VASH1: variants seen among roughly 807,000 people sequenced by gnomAD.
VASH1 encodes the protein tubulinyl-Tyr carboxypeptidase 1.
In VASH1, 16 loss-of-function variants were observed where a neutral mutation model predicts 35.0. That is an observed-to-expected ratio of 0.46 (90% CI 0.31 to 0.70). VASH1 has a LOEUF of 0.70. Among genes scored for constraint, VASH1 ranks in the 30% least tolerant of loss-of-function variants. VASH1 has a pLI of 0.05. For missense variants in VASH1, 505 were observed against 510.7 expected (o/e 0.99, Z 0.11); for synonymous variants, 214 against 200.9 (o/e 1.07, Z -0.55).
chr14:76,779,750 C>T lies in VASH1; in HGVS notation c.*732C>T, dbSNP rs111968893. The T allele has an allele frequency of 1.9e-3, 1,086 of 575,450 alleles. 9 individuals carry two copies. Among genetic ancestry groups the T allele is most frequent in the African/African-American group, 0.019 (1,001 of 53,434 alleles). The allele number at this position is 575,450 out of a possible 1,614,324, so 35.6% of individuals were successfully genotyped here. On this transcript the variant is annotated 3_prime_UTR_variant, in exon 7 of 7. Coordinates refer to ENST00000167106, the MANE Select transcript of VASH1 (RefSeq NM_014909.5). ...CCCAGGCCCTAACTGCGTCTACTTG[C>T]TCAGTCCCAGCTCTGCCTGTTGCTC...
At position 76,782,930 on chromosome 14, in the gene VASH1, C is replaced by T. The variant is rs1421477311; in HGVS notation, c.*3912C>T. 6.5e-6 allele frequency: 1 copy of T among 152,842 alleles called. No homozygotes were observed. The highest frequency in any genetic ancestry group is 1.5e-5 in the Non-Finnish European group (1 of 68,144). 9.5% of individuals were successfully genotyped at this position (152,842 alleles called of 1,614,324 possible). On this transcript the variant is annotated 3_prime_UTR_variant, in exon 7 of 7. Coordinates refer to ENST00000167106, the MANE Select transcript of VASH1 (RefSeq NM_014909.5). ...GTATTGCCCCTTCCTTTCACTTTCA[C>T]ACTTCATCTCATTCCTGTTGTCACT...
At chr14:76,778,163 C>T (rs961411034) in intron 6 of VASH1, 92 bp downstream of exon 6, 2 of 962,752 alleles carry the variant, frequency 2.1e-6, no homozygotes, top group South Asian at 2.4e-5. Flanking sequence ...ATCTCTCTCC[C>T]ACCCTTCTCT....
intron 6 of VASH1, 113 bp downstream of exon 6, chr14:76,778,184 C>T: frequency 3.8e-6 from 3 of 787,928 alleles, no homozygotes; most frequent in South Asian, 2.7e-5. Context: ...CTTTTTCGCT[C>T]CCACCCAAGG....
rs1893787985 is a variant in VASH1, at chr14:76,771,253, A to T, written c.455+7A>T. 6.3e-7 allele frequency: 1 copy of T among 1,598,820 alleles called. No homozygotes were observed. The highest frequency in any genetic ancestry group is 8.5e-7 in the Non-Finnish European group (1 of 1,172,568). ...AGAGCAGACCTCTGACAGGGTAAGT[A>T]TGGGGAGGCCAGTCCTCTGCCCCAG... is the stretch of plus-strand genomic sequence containing the variant. On this transcript the variant is annotated splice_region_variant and intron_variant, in intron 3 of 6. Transcript: ENST00000167106.
At chr14:76,773,329 CTGCT>C (rs749221765) in intron 4 of VASH1, 118 bp downstream of exon 4, 2 of 1,022,332 alleles carry the variant, frequency 2.0e-6, no homozygotes, top group Admixed American at 4.5e-5. Flanking sequence ...ATGCAGTCAT[CTGCT>C]TGGCCCCAAG....
chr14:76,769,385 T>C (rs1893728982), intron 1 of VASH1: 3 of 1,289,158 alleles, frequency 2.3e-6, no homozygotes, highest in South Asian at 1.2e-5. Context: ...TTCCAAAATA[T>C]GTCCTTCTGG....
At chr14:76,771,511 T>C (rs907918528) in intron 3 of VASH1, among the ~76,000 whole-genome samples, 12 of 152,206 alleles carry the variant, frequency 7.9e-5, no homozygotes, top group Admixed American at 2.0e-4. Context: ...CCCCCAGCTC[T>C]TGCCTTGGCC....
Position 76,770,172 on chromosome 14 carries a change from C to T in VASH1, c.398+121C>T, listed in dbSNP as rs575032275. On this transcript the variant is annotated intron_variant, in intron 2 of 6. Coordinates refer to ENST00000167106, the MANE Select transcript of VASH1 (RefSeq NM_014909.5). ...ATTCCACAACGCCAGGGCCACCATT[C>T]ACGTGACATCTCTGTGCTCCCTGGT... 7 of 888,680 alleles carry T rather than the reference C, an allele frequency of 7.9e-6. No individual in the cohort carries two copies. In the African/African-American group the frequency reaches 1.0e-4, roughly 13 times the overall value. 55.0% of individuals were successfully genotyped at this position (888,680 alleles called of 1,614,324 possible).
intron 1 of VASH1, chr14:76,769,437 C>T (rs769133871): frequency 3.1e-6 from 4 of 1,289,104 alleles, no homozygotes; most frequent in Admixed American, 4.6e-5. Context: ...CAAGTTGGTG[C>T]TCTGGAAGGC....
intron 3 of VASH1, among the ~76,000 whole-genome samples, chr14:76,771,477 C>T (rs111888593): frequency 2.1e-4 from 32 of 152,356 alleles, no homozygotes; most frequent in African/African-American, 7.7e-4. Context: ...CGGGTCCATG[C>T]TGAGCTAGAG....
chr14:76,768,853 G>A (rs943103971), intron 1 of VASH1, among the ~76,000 whole-genome samples: 1 of 152,224 alleles, frequency 6.6e-6, no homozygotes, highest in Non-Finnish European at 1.5e-5. Context: ...TTGGGGGCAG[G>A]GGGTGGGACC....
At chr14:76,773,087 T>C (rs765675626) in intron 3 of VASH1, 50 bp from the exon 4 acceptor site, 21 of 1,582,842 alleles carry the variant, frequency 1.3e-5, no homozygotes, top group Non-Finnish European at 1.7e-6. Context: ...CACATTCCCC[T>C]GGAGGGGCTG....
intron 1 of VASH1, chr14:76,769,387 T>C (rs1893729127): frequency 7.8e-7 from 1 of 1,289,032 alleles, no homozygotes; most frequent in South Asian, 1.2e-5. Flanking sequence ...CCAAAATATG[T>C]CCTTCTGGCC....
In VASH1 at chr14:76,779,813, G is replaced by A. The variant is rs535614651; in HGVS notation, c.*795G>A. 7 of 461,160 alleles carry A rather than the reference G, an allele frequency of 1.5e-5. No individual in the cohort carries two copies. The highest frequency in any genetic ancestry group is 7.7e-5 in the South Asian group (2 of 26,106). 28.6% of individuals were successfully genotyped at this position (461,160 alleles called of 1,614,324 possible). ...TCCCTGCGGAGGGTCTGGGCTTGGCGGAGGACCCAGAATGGCACTGAGGCC... is the reference window on the plus strand; with the variant it reads ...TCCCTGCGGAGGGTCTGGGCTTGGCAGAGGACCCAGAATGGCACTGAGGCC... On this transcript the variant is annotated 3_prime_UTR_variant, in exon 7 of 7. Transcript: ENST00000167106.
chr14:76,776,002 G>T lies in VASH1; in HGVS notation c.641G>T (p.Arg214Leu). 6.2e-7 allele frequency: 1 copy of T among 1,612,914 alleles called. No homozygotes were observed. The highest frequency in any genetic ancestry group is 8.5e-7 in the Non-Finnish European group (1 of 1,179,796). ...HIVLGVNFAGRYGALGMSRRE... is the reference protein window; with the variant it reads ...HIVLGVNFAGLYGALGMSRRE... ...GTGCTGGGGGTGAACTTCGCGGGCC[G>T]CTACGGTGCGCTGGGCATGAGTCGG... Residue 214 changes from arginine to leucine, a missense_variant, in exon 5 of 7, where the codon CGC (arginine) becomes CTC (leucine). Transcript: ENST00000167106.
chr14:76,778,065 A>G lies in VASH1; in HGVS notation c.1019A>G (p.Glu340Gly). Residue 340 changes from glutamate (E) to glycine (G), a missense_variant, in exon 6 of 7, where the codon GAA (glutamate) becomes GGA (glycine). Glu to Gly is a moderately conservative substitution (Grantham distance 98, BLOSUM62 -2). Transcript: ENST00000167106. ...SSPHRRNSRS[E>G]RRPSGDKKTS... ...CCCCACCGCAGGAACAGCCGCAGTG[A>G]AAGACGGTGAGAGAGGGACCACGCC... 6.7e-7 allele frequency: 1 copy of G among 1,490,148 alleles called. No individual in the cohort carries two copies. Among genetic ancestry groups the G allele is most frequent in the Non-Finnish European group, 8.9e-7 (1 of 1,121,008 alleles). The allele number at this position is 1,490,148 out of a possible 1,614,324, so 92.3% of individuals were successfully genotyped here.
chr14:76,771,193 C>G lies in VASH1; in HGVS notation c.402C>G (p.Tyr134Ter), dbSNP rs769388892. 6.3e-7 allele frequency: 1 copy of G among 1,597,510 alleles called. No individual in the cohort carries two copies. Among genetic ancestry groups the G allele is most frequent in the Admixed American group, 1.7e-5 (1 of 58,166 alleles). ...AVQRYIRELQ[Y>*]NHTGTQFFEI... ...AGCCCTTAACCCGTGCCCACAGGTA[C>G]AATCACACAGGGACACAGTTCTTTG... The change falls in exon 3 of 7, where the codon TAC becomes TAG. Residue 134 changes from tyrosine (Y) to a stop codon, truncating the protein, a stop_gained. Coordinates refer to ENST00000167106, the MANE Select transcript of VASH1 (RefSeq NM_014909.5). LOFTEE classifies it high-confidence loss of function.
rs551335670 is a variant in VASH1, at chr14:76,779,653, G to C, written c.*635G>C. The C allele has an allele frequency of 1.6e-6, 1 of 607,216 alleles. No individual in the cohort carries two copies. Among genetic ancestry groups the C allele is most frequent in the South Asian group, 2.0e-5 (1 of 51,066 alleles). The allele number at this position is 607,216 out of a possible 1,614,324, so 37.6% of individuals were successfully genotyped here. On this transcript the variant is annotated 3_prime_UTR_variant, in exon 7 of 7. Coordinates refer to ENST00000167106, the MANE Select transcript of VASH1 (RefSeq NM_014909.5). ...GCCTTCAGGCCCTTGAGGCCCCCAT[G>C]GGCAGTGCTGTGTGGGCAGAGGAGG...
chr14:76,766,019 C>T (rs780678877), intron 1 of VASH1, among the ~76,000 whole-genome samples: 10 of 152,158 alleles, frequency 6.6e-5, no homozygotes, highest in Non-Finnish European at 1.2e-4. Context: ...CTCAGTTTTC[C>T]GCAGCTGTGA....
Sources: gnomAD v4.1 joint callset for allele counts (sites outside exome capture counted in the v4.1 genomes callset) on GRCh38, gnomAD v4.1.1 for gene constraint, MANE v1.5 for transcripts, NCBI Gene and HGNC (gene_info 2026-07-23, HGNC 2026-07-21) for gene names.